OXSR1: variants seen among roughly 807,000 people sequenced by gnomAD.
The protein encoded by OXSR1 is oxidative stress responsive kinase 1, also known as serine/threonine-protein kinase OSR1.
In OXSR1, 24 loss-of-function variants were observed where a neutral mutation model predicts 79.8. The observed-to-expected ratio is 0.30, with a 90% confidence interval of 0.22 to 0.42. OXSR1 has a LOEUF of 0.42. Ranked by LOEUF, OXSR1 falls within the 10% of genes least tolerant of loss-of-function variation. The pLI is 1.00. For missense variants in OXSR1, 430 were observed against 618.4 expected (o/e 0.70, Z 3.23); for synonymous variants, 226 against 209.2 (o/e 1.08, Z -0.69).
chr3:38,223,477 T>C (rs1223433358), intron 6 of OXSR1, among the ~76,000 whole-genome samples: 1 of 150,444 alleles, frequency 6.6e-6, no homozygotes, highest in African/African-American at 2.4e-5. Context: ...AATTTCACTC[T>C]TGTTGCCCAG....
chr3:38,216,596 T>G (rs1411502086), intron 5 of OXSR1, among the ~76,000 whole-genome samples: 1 of 152,146 alleles, frequency 6.6e-6, no homozygotes, highest in African/African-American at 2.4e-5. Flanking sequence ...TTTGGCAGTT[T>G]CAGAGCTGAA....
chr3:38,210,635 A>G (rs1702366911), intron 4 of OXSR1, among the ~76,000 whole-genome samples: 2 of 152,136 alleles, frequency 1.3e-5, no homozygotes, highest in South Asian at 2.1e-4. Flanking sequence ...TTTGTCAACT[A>G]CAATTTAAGT....
chr3:38,210,561 C>G (rs962694364), intron 4 of OXSR1, among the ~76,000 whole-genome samples: 6 of 152,046 alleles, frequency 3.9e-5, no homozygotes, highest in African/African-American at 1.4e-4. Context: ...GTATGAGTCT[C>G]CCTTAGACTG....
chr3:38,164,233 C>T (rs1483650173), upstream of OXSR1, among the ~76,000 whole-genome samples: 1 of 152,088 alleles, frequency 6.6e-6, no homozygotes, highest in Non-Finnish European at 1.5e-5. Context: ...GGCATGCTCT[C>T]GGGTCACTGC....
In OXSR1 at chr3:38,254,225, A is replaced by AG; in HGVS notation, c.*1334_*1335insG. 1 of 398,904 alleles carries AG rather than the reference A, an allele frequency of 2.5e-6. No homozygotes were observed. The highest frequency in any genetic ancestry group is 4.4e-6 in the Non-Finnish European group (1 of 225,944). 24.7% of individuals were successfully genotyped at this position (398,904 alleles called of 1,614,324 possible). The stretch of plus-strand genomic sequence containing the variant: ...AAAGGGGGAGAGTTGCCCTTTACAG[A>AG]ATCACTCGAGCCCTTTCCAGCACTG... On this transcript the variant is annotated 3_prime_UTR_variant, in exon 18 of 18. Coordinates refer to ENST00000311806, the MANE Select transcript of OXSR1 (RefSeq NM_005109.3).
At chr3:38,193,400 A>AG in intron 3 of OXSR1, 8 of 1,288,032 alleles carry the variant, frequency 6.2e-6, no homozygotes, top group Non-Finnish European at 8.1e-6. Context: ...TTCAGTATGG[A>AG]GAGATATGGG....
At position 38,242,668 on chromosome 3, in the gene OXSR1, T is replaced by A; in HGVS notation, c.1075-75T>A. On this transcript the variant is annotated intron_variant, in intron 11 of 17. Transcript: ENST00000311806. ...AAATGGAGTTGATTTGCATTTAACATCACTTGCAGTTTGGGACTGACTACA... is the reference window on the plus strand; with the variant it reads ...AAATGGAGTTGATTTGCATTTAACAACACTTGCAGTTTGGGACTGACTACA... The A allele has an allele frequency of 4.0e-6, 3 of 749,576 alleles. No homozygotes were observed. The South Asian group carries it at 5.5e-5, about 14-fold the overall frequency. 46.4% of individuals were successfully genotyped at this position (749,576 alleles called of 1,614,324 possible).
intron 8 of OXSR1, among the ~76,000 whole-genome samples, chr3:38,227,589 A>C (rs911498701): frequency 3.3e-5 from 5 of 150,082 alleles, no homozygotes; most frequent in Admixed American, 1.3e-4. Flanking sequence ...ACACACACAA[A>C]TGTACGTATA....
intron 2 of OXSR1, 89 bp downstream of exon 2, chr3:38,183,204 C>A (rs1701819326): frequency 3.6e-6 from 2 of 562,644 alleles, no homozygotes; most frequent in Non-Finnish European, 5.8e-6. Flanking sequence ...TGATTTGTTT[C>A]TTTTTAAAAA....
At chr3:38,247,160 A>G (rs1049340717) in intron 13 of OXSR1, among the ~76,000 whole-genome samples, 1 of 152,134 alleles carries the variant, frequency 6.6e-6, no homozygotes, top group Non-Finnish European at 1.5e-5. Context: ...TTCATTTTAT[A>G]AACAACTTAA....
upstream of OXSR1, chr3:38,165,127 G>A (rs1701411694): frequency 6.6e-6 from 1 of 152,310 alleles, no homozygotes; most frequent in African/African-American, 2.4e-5. Flanking sequence ...CGCGCTAAGA[G>A]CCTGGAGGCG....
intron 1 of OXSR1, among the ~76,000 whole-genome samples, chr3:38,178,989 A>T (rs187547691): frequency 3.5e-4 from 51 of 144,554 alleles, no homozygotes; most frequent in African/African-American, 1.2e-3. Context: ...CTCAGGCTCT[A>T]TACTAGGTGG....
chr3:38,216,562 G>A (rs1391455767), intron 5 of OXSR1, among the ~76,000 whole-genome samples: 1 of 152,200 alleles, frequency 6.6e-6, no homozygotes, highest in Non-Finnish European at 1.5e-5. Context: ...TTAGGAAAAA[G>A]TGCCTGAGAA....
upstream of OXSR1, among the ~76,000 whole-genome samples, chr3:38,164,376 C>T (rs1256170749): frequency 6.6e-6 from 1 of 152,182 alleles, no homozygotes; most frequent in Non-Finnish European, 1.5e-5. Context: ...GAACTCCTGA[C>T]CTCAGGTGGT....
intron 2 of OXSR1, among the ~76,000 whole-genome samples, chr3:38,184,713 T>C (rs1701847426): frequency 6.6e-6 from 1 of 152,096 alleles, no homozygotes; most frequent in Non-Finnish European, 1.5e-5. Flanking sequence ...TACTTCAGTG[T>C]ACTTTAACCT....
chr3:38,240,946 A>G (rs1035122884), intron 11 of OXSR1, among the ~76,000 whole-genome samples: 6 of 152,168 alleles, frequency 3.9e-5, no homozygotes, highest in Admixed American at 3.9e-4. Context: ...AGTGTTGGAG[A>G]TGGAAAATCA....
chr3:38,182,368 T>C (rs1701803375), intron 1 of OXSR1, among the ~76,000 whole-genome samples: 1 of 152,176 alleles, frequency 6.6e-6, no homozygotes, highest in African/African-American at 2.4e-5. Context: ...CTGCTGATGC[T>C]GGGGAGGACT....
intron 4 of OXSR1, among the ~76,000 whole-genome samples, chr3:38,209,231 G>C (rs1702335477): frequency 6.6e-6 from 1 of 151,840 alleles, no homozygotes; most frequent in Non-Finnish European, 1.5e-5. Context: ...GTTATTGATT[G>C]ATTGATTGAC....
intron 4 of OXSR1, among the ~76,000 whole-genome samples, chr3:38,202,436 G>C (rs1445810949): frequency 6.6e-6 from 1 of 152,116 alleles, no homozygotes; most frequent in African/African-American, 2.4e-5. Flanking sequence ...CTGGAGTGTA[G>C]TGGCATGATT....
Sources: gnomAD v4.1 joint callset for allele counts (sites outside exome capture counted in the v4.1 genomes callset) on GRCh38, gnomAD v4.1.1 for gene constraint, MANE v1.5 for transcripts, NCBI Gene and HGNC (gene_info 2026-07-23, HGNC 2026-07-21) for gene names.